ZFHX3: variants seen among roughly 807,000 people sequenced by gnomAD.
ZFHX3 encodes zinc finger homeobox 3.
In ZFHX3, 42 loss-of-function variants were observed where a neutral mutation model predicts 279.1. The observed-to-expected ratio is 0.15, with a 90% confidence interval of 0.12 to 0.19. The LOEUF (loss-of-function observed/expected upper bound fraction) is 0.19, where lower values mean the gene tolerates loss of function less well. ZFHX3 is among the 10% of genes least tolerant of loss of function. The probability of loss-of-function intolerance (pLI) is 1.00; values close to 1 mark genes in which losing one functional copy is unlikely to be tolerated. For missense variants in ZFHX3, 4,981 were observed against 4,754.0 expected, an observed-to-expected ratio of 1.05 and a Z score of -1.40; for synonymous variants, 2,293 against 1,957.8, an observed-to-expected ratio of 1.17 and a Z score of -4.52.
At chr16:72,988,192 A>G (rs951156108) in intron 1 of ZFHX3, among the ~76,000 whole-genome samples, 1 of 152,254 alleles carries the variant, frequency 6.6e-6, no homozygotes, top group Non-Finnish European at 1.5e-5. Context: ...ATTAGCTCTA[A>G]TTTGACCTCC....
intron 7 of ZFHX3, among the ~76,000 whole-genome samples, chr16:73,120,429 T>C (rs4788493): frequency 0.45 from 67,657 of 151,518 alleles, 16,761 homozygotes; most frequent in Middle Eastern, 0.6. Flanking sequence ...CCATGCTCCA[T>C]TAATTTTTCA....
At chr16:73,730,208 G>A (rs892772713) in intron 1 of ZFHX3, among the ~76,000 whole-genome samples, 2 of 152,036 alleles carry the variant, frequency 1.3e-5, no homozygotes, top group South Asian at 2.1e-4. Flanking sequence ...CAAATGCAAA[G>A]GACAGAATAT....
chr16:73,524,607 C>A (rs2019661053), intron 2 of ZFHX3, among the ~76,000 whole-genome samples: 1 of 152,196 alleles, frequency 6.6e-6, no homozygotes, highest in Non-Finnish European at 1.5e-5. Flanking sequence ...CAACGCATCT[C>A]ATTTCTCTCT....
At chr16:73,610,363 C>T (rs192315592) in intron 2 of ZFHX3, among the ~76,000 whole-genome samples, 15 of 152,268 alleles carry the variant, frequency 9.9e-5, no homozygotes, top group Non-Finnish European at 2.1e-4. Context: ...TTGTGTGCCC[C>T]TTTTCTTCAA....
chr16:72,953,903 G>A (rs1475493167), intron 2 of ZFHX3, among the ~76,000 whole-genome samples: 1 of 152,158 alleles, frequency 6.6e-6, no homozygotes, highest in Admixed American at 6.5e-5. Flanking sequence ...GCAAAGGACA[G>A]AAGCAGCAGA....
rs552052714 is a variant in ZFHX3 at position 73,058,672 on chromosome 16, C to T, written c.-166G>A. 429 of 222,524 alleles carry T rather than the reference C, an allele frequency of 1.9e-3. 5 individuals carry two copies. In the Middle Eastern group the frequency reaches 0.035, roughly 18 times the overall value. 13.8% of individuals were successfully genotyped at this position (222,524 alleles called of 1,614,324 possible). A position where few individuals can be genotyped will look rare whatever the true frequency, so the allele number is the denominator to read the frequency against. The stretch of plus-strand genomic sequence containing the variant: ...GGCAGCAGCGGCGGCTGGCGGGGGT[C>T]GGCGGCGGCGGAGGACGCGCTGCTG... On this transcript the variant is annotated 5_prime_UTR_variant, in exon 1 of 9. Transcript: ENST00000397992.
chr16:73,426,957 T>A (rs922583309), intron 3 of ZFHX3, among the ~76,000 whole-genome samples: 10 of 152,126 alleles, frequency 6.6e-5, no homozygotes, highest in African/African-American at 2.2e-4. Context: ...ATTTACGGGG[T>A]CCAGTCATTG....
At chr16:73,008,842 C>T (rs1464962598) in intron 1 of ZFHX3, among the ~76,000 whole-genome samples, 2 of 151,844 alleles carry the variant, frequency 1.3e-5, no homozygotes, top group African/African-American at 4.8e-5. Context: ...GAGGGAAAAA[C>T]AATAATCTCT....
intron 1 of ZFHX3, among the ~76,000 whole-genome samples, chr16:73,009,916 G>T (rs1963852183): frequency 6.6e-6 from 1 of 151,890 alleles, no homozygotes; most frequent in African/African-American, 2.4e-5. Flanking sequence ...AGCTATTCAG[G>T]AGGCTGAGGC....
chr16:73,285,186 T>C lies in ZFHX3; in HGVS notation c.-1193-28050A>G, dbSNP rs74030034. Among the ~76,000 whole-genome samples the C allele has an allele frequency of 3.1e-3, 474 of 152,306 alleles. 3 individuals carry two copies. The highest frequency in any genetic ancestry group is 8.9e-3 in the African/African-American group (371 of 41,572). On this transcript the variant is annotated intron_variant, in intron 4 of 17. Transcript: ENST00000641206. ...CTTGAGAAAGGGTGGTTCTCTTTGC[T>C]AGTTTTGGTTGGGTGGGAGGAGAGG...
chr16:73,280,191 G>T (rs1246673182), intron 4 of ZFHX3, among the ~76,000 whole-genome samples: 2 of 152,144 alleles, frequency 1.3e-5, no homozygotes, highest in South Asian at 2.1e-4. Context: ...TAGGGGAAAA[G>T]ATCCTTGATA....
chr16:73,104,221 G>GTATGTATGTATTTATT lies in ZFHX3; in HGVS notation c.-896-10624_-896-10623insAATAAATACATACATA, dbSNP rs57972353. ...TGTGCTCCCTATGGATTTATTTTATGTATTTATTTATTTATTTTATTTTTT... is the reference window on the plus strand; with the variant it reads ...TGTGCTCCCTATGGATTTATTTTATGTATGTATGTATTTATTTATTTATTTATTTATTTTATTTTTT... On this transcript the variant is annotated intron_variant, in intron 7 of 17. Coordinates refer to the ZFHX3 transcript ENST00000641206. 3.5e-3 allele frequency among the ~76,000 whole-genome samples: 533 copies of GTATGTATGTATTTATT among 151,618 alleles called. 2 individuals carry two copies. Among genetic ancestry groups the GTATGTATGTATTTATT allele is most frequent in the African/African-American group, 8.3e-3 (341 of 41,284 alleles).
rs73603574 is a variant in ZFHX3, at chr16:73,871,038, T to C, written c.-1608+20613A>G. 5.1e-3 allele frequency among the ~76,000 whole-genome samples: 775 copies of C among 152,306 alleles called. 10 individuals are homozygous for C. Among genetic ancestry groups the C allele is most frequent in the African/African-American group, 0.018 (744 of 41,562 alleles). ...GGAGCTGTAGATTGCAAGGAAGCCA[T>C]GCAAGAGACTTTCGTGGGTCAGACG... is the stretch of plus-strand genomic sequence containing the variant. On this transcript the variant is annotated intron_variant, in intron 1 of 17. Coordinates refer to the ZFHX3 transcript ENST00000641206.
intron 1 of ZFHX3, among the ~76,000 whole-genome samples, chr16:73,689,798 A>G (rs2053128198): frequency 6.6e-6 from 1 of 151,870 alleles, no homozygotes; most frequent in Non-Finnish European, 1.5e-5. Flanking sequence ...CTCTGAGGAC[A>G]TACAGTTTTT....
intron 4 of ZFHX3, among the ~76,000 whole-genome samples, chr16:72,861,182 C>G (rs903290279): frequency 6.6e-6 from 1 of 152,248 alleles, no homozygotes; most frequent in African/African-American, 2.4e-5. Context: ...CCTACAGCCA[C>G]TGGGCTGTCT....
At chr16:73,395,234 G>T (rs912865046) in intron 3 of ZFHX3, among the ~76,000 whole-genome samples, 9 of 152,312 alleles carry the variant, frequency 5.9e-5, no homozygotes, top group Admixed American at 2.0e-4. Context: ...GGAGGCCGAG[G>T]CAGGTGGATC....
chr16:73,507,601 T>A (rs971250099), intron 2 of ZFHX3, among the ~76,000 whole-genome samples: 16 of 149,756 alleles, frequency 1.1e-4, no homozygotes, highest in African/African-American at 3.7e-4. Flanking sequence ...GCTCAAGTGA[T>A]CCTTCCACCT....
chr16:73,326,284 C>G (rs2015687419), intron 3 of ZFHX3, among the ~76,000 whole-genome samples: 2 of 152,084 alleles, frequency 1.3e-5, no homozygotes, highest in Admixed American at 1.3e-4. Flanking sequence ...AAGGACAGAC[C>G]AGAAGACACT....
intron 2 of ZFHX3, among the ~76,000 whole-genome samples, chr16:73,622,984 G>C (rs1227658552): frequency 6.6e-6 from 1 of 152,114 alleles, no homozygotes; most frequent in African/African-American, 2.4e-5. Context: ...CAAAATGTGA[G>C]GCGATAGATT....
Sources: gnomAD v4.1 joint callset for allele counts (sites outside exome capture counted in the v4.1 genomes callset) on GRCh38, gnomAD v4.1.1 for gene constraint, MANE v1.5 for transcripts, NCBI Gene and HGNC (gene_info 2026-07-23, HGNC 2026-07-21) for gene names.